AGMO: variants seen among roughly 807,000 people sequenced by gnomAD.
AGMO encodes alkylglycerol monooxygenase.
A neutral mutation model predicts 60.2 loss-of-function variants in AGMO; 75 were observed. The ratio of observed to expected loss-of-function variants is 1.25; its 90% CI spans 1.03 to 1.51. AGMO has a LOEUF of 1.51. Among genes scored for constraint, AGMO ranks in the 40% most tolerant of loss-of-function variants. AGMO has a pLI of 0.00. For synonymous variants in AGMO, 261 were observed against 177.1 expected (o/e 1.47, Z -3.76); for missense variants, 763 against 525.5 (o/e 1.45, Z -4.42).
chr7:15,303,005 T>C lies in AGMO; in HGVS notation c.1263+62509A>G, dbSNP rs1170091829. Reference sequence around the variant, plus strand: ...TTCAGTGAGTAAATCTAAAGGATCTTGAAAGCTGAATGTCTGGGATGGTCA... The same window carrying C: ...TTCAGTGAGTAAATCTAAAGGATCTCGAAAGCTGAATGTCTGGGATGGTCA... On this transcript the variant is annotated intron_variant, in intron 12 of 12. Coordinates refer to ENST00000342526, the MANE Select transcript of AGMO (RefSeq NM_001004320.2). Among the ~76,000 whole-genome samples the C allele has an allele frequency of 2.6e-5, 4 of 152,148 alleles. No individual in the cohort carries two copies. The East Asian group carries it at 7.7e-4, about 29-fold the overall frequency.
intron 5 of AGMO, among the ~76,000 whole-genome samples, chr7:15,404,287 G>T (rs1784628413): frequency 6.6e-6 from 1 of 151,872 alleles, no homozygotes; most frequent in African/African-American, 2.4e-5. Context: ...GCTGATTCTT[G>T]TCACTTATGA....
At chr7:15,234,440 G>A (rs769175613) in intron 12 of AGMO, among the ~76,000 whole-genome samples, 2 of 152,160 alleles carry the variant, frequency 1.3e-5, no homozygotes, top group African/African-American at 2.4e-5. Flanking sequence ...TACCGGTCTT[G>A]CCTACATGCA....
At chr7:15,547,427 T>C (rs544297665) in intron 2 of AGMO, among the ~76,000 whole-genome samples, 9,547 of 150,876 alleles carry the variant, frequency 0.063, 1,000 homozygotes, top group African/African-American at 0.22. Flanking sequence ...CACTAGGGAG[T>C]GCCAGACAGT....
chr7:15,201,812 C>T (rs7777171), intron 12 of AGMO, among the ~76,000 whole-genome samples: 65,725 of 151,964 alleles, frequency 0.43, 16,058 homozygotes, highest in African/African-American at 0.66. Context: ...TTTCGCCCAA[C>T]GTGAATTAAA....
chr7:15,139,820 C>CAAA, the AGMO span, among the ~76,000 whole-genome samples: 12 of 66,272 alleles, frequency 1.8e-4, no homozygotes, highest in African/African-American at 3.1e-4. Flanking sequence ...TCTCAAAAGA[C>CAAA]AAAAAAAAAA....
intron 2 of AGMO, among the ~76,000 whole-genome samples, chr7:15,554,032 A>G (rs1785056478): frequency 6.6e-6 from 1 of 152,160 alleles, no homozygotes; most frequent in Non-Finnish European, 1.5e-5. Flanking sequence ...TATGTGAAAC[A>G]ATAGCCATGG....
intron 3 of AGMO, among the ~76,000 whole-genome samples, chr7:15,487,689 C>A (rs1782957415): frequency 6.6e-6 from 1 of 151,832 alleles, no homozygotes; most frequent in African/African-American, 2.4e-5. Flanking sequence ...TTTCTTAATC[C>A]CATCTTTTGC....
At chr7:15,404,709 T>C (rs556568456) in intron 5 of AGMO, among the ~76,000 whole-genome samples, 1 of 151,956 alleles carries the variant, frequency 6.6e-6, no homozygotes, top group African/African-American at 2.4e-5. Flanking sequence ...AGCTCCATAC[T>C]TTTGACTCTT....
At chr7:15,347,780 A>G (rs1378569288) in intron 12 of AGMO, among the ~76,000 whole-genome samples, 2 of 152,078 alleles carry the variant, frequency 1.3e-5, no homozygotes, top group Non-Finnish European at 2.9e-5. Flanking sequence ...CAAGTGTTGT[A>G]TTTAGCTTAT....
the AGMO span, among the ~76,000 whole-genome samples, chr7:15,163,829 T>C: frequency 6.6e-6 from 1 of 152,084 alleles, no homozygotes; most frequent in Non-Finnish European, 1.5e-5. Flanking sequence ...CAGGATGATA[T>C]TGCTTTCACA....
At chr7:15,512,658 T>C (rs1006670812) in intron 3 of AGMO, among the ~76,000 whole-genome samples, 4 of 152,226 alleles carry the variant, frequency 2.6e-5, no homozygotes, top group African/African-American at 9.6e-5. Flanking sequence ...TGTCACTTAG[T>C]AAATTGCTTG....
chr7:15,250,500 G>A (rs73060410), intron 12 of AGMO, among the ~76,000 whole-genome samples: 8,518 of 152,020 alleles, frequency 0.056, 257 homozygotes, highest in African/African-American at 0.08. Flanking sequence ...ACAGTAAGGA[G>A]AAGTCTCAGA....
intron 12 of AGMO, among the ~76,000 whole-genome samples, chr7:15,340,961 T>C (rs1781826942): frequency 6.6e-6 from 1 of 152,198 alleles, no homozygotes; most frequent in South Asian, 2.1e-4. Context: ...TGCCAGCCAA[T>C]GAAAGCAGCT....
intron 10 of AGMO, among the ~76,000 whole-genome samples, chr7:15,370,559 T>C (rs1160083113): frequency 1.3e-5 from 2 of 152,176 alleles, no homozygotes; most frequent in Non-Finnish European, 2.9e-5. Context: ...CATCTATTGT[T>C]TTGATTTTTT....
At chr7:15,274,074 A>G (rs1477709012) in intron 12 of AGMO, among the ~76,000 whole-genome samples, 3 of 152,110 alleles carry the variant, frequency 2.0e-5, no homozygotes, top group Admixed American at 6.5e-5. Flanking sequence ...GCAAACAGGG[A>G]CTATTTGACT....
intron 5 of AGMO, among the ~76,000 whole-genome samples, chr7:15,416,539 T>C (rs1347396308): frequency 2.6e-5 from 4 of 152,176 alleles, no homozygotes; most frequent in African/African-American, 9.7e-5. Context: ...CTTCTTAAGA[T>C]CATATTCCCC....
intron 3 of AGMO, among the ~76,000 whole-genome samples, chr7:15,513,281 A>G (rs1314839946): frequency 2.1e-5 from 2 of 94,210 alleles, no homozygotes; most frequent in Admixed American, 2.6e-4. Flanking sequence ...TCAGATACCT[A>G]TAGCACAACT....
At chr7:15,269,255 A>G (rs1176622133) in intron 12 of AGMO, among the ~76,000 whole-genome samples, 1 of 152,140 alleles carries the variant, frequency 6.6e-6, no homozygotes, top group Non-Finnish European at 1.5e-5. Context: ...TGGAAGATAC[A>G]TGGATATCAA....
At chr7:15,325,798 A>T (rs999267455) in intron 12 of AGMO, among the ~76,000 whole-genome samples, 6 of 152,244 alleles carry the variant, frequency 3.9e-5, no homozygotes, top group African/African-American at 1.4e-4. Flanking sequence ...GGATTATCTT[A>T]ATAGGAAGTT....
Sources: allele counts gnomAD v4.1 joint callset (sites outside exome capture counted in the v4.1 genomes callset), GRCh38; gene constraint gnomAD v4.1.1; transcripts MANE v1.5; gene names NCBI Gene and HGNC (gene_info 2026-07-23, HGNC 2026-07-21).